WWOX: variants seen among roughly 807,000 people sequenced by gnomAD.
The protein encoded by WWOX is WW domain-containing oxidoreductase.
Under a neutral mutation model 46.2 loss-of-function variants are expected in WWOX, and 69 were observed. That is an observed-to-expected ratio of 1.49 (90% CI 1.23 to 1.82). The LOEUF is 1.82. WWOX is among the 40% of genes most tolerant of loss of function. The probability of loss-of-function intolerance (pLI) is 0.00; values close to 1 mark genes in which losing one functional copy is unlikely to be tolerated. For missense variants in WWOX, 919 were observed against 542.6 expected (o/e 1.69, Z -6.89); for synonymous variants, 359 against 202.6 (o/e 1.77, Z -6.56).
rs1393982616 is a variant in WWOX at position 79,072,827 on chromosome 16, T to G, written c.1057-138781T>G. Among the ~76,000 whole-genome samples, 4 of 152,194 alleles carry G rather than the reference T, an allele frequency of 2.6e-5. No homozygotes were observed. In the East Asian group the frequency reaches 7.7e-4, roughly 29 times the overall value. ...AATGCTTGGTCTTTGATTTCTTATT[T>G]TCAAATGCATGTCTTTAGAACCAGA... On this transcript the variant is annotated intron_variant, in intron 8 of 8. Coordinates refer to ENST00000566780, the MANE Select transcript of WWOX (RefSeq NM_016373.4).
At chr16:79,153,901 C>A (rs13332065) in intron 8 of WWOX, among the ~76,000 whole-genome samples, 3 of 152,006 alleles carry the variant, frequency 2.0e-5, no homozygotes, top group South Asian at 2.1e-4. Flanking sequence ...GGTTTGAAAG[C>A]GTTTTCCAGG....
chr16:78,264,602 GA>G (rs1387963316), intron 5 of WWOX: 2 of 152,344 alleles, frequency 1.3e-5, no homozygotes, highest in Non-Finnish European at 2.9e-5. Flanking sequence ...CAGCACTGCA[GA>G]GGGGTGATAA....
chr16:78,886,052 G>A (rs910584712), intron 8 of WWOX, among the ~76,000 whole-genome samples: 3 of 151,266 alleles, frequency 2.0e-5, no homozygotes, highest in African/African-American at 7.3e-5. Context: ...AGCATCCTGA[G>A]TAGCTGGGAT....
intron 1 of WWOX, among the ~76,000 whole-genome samples, chr16:78,102,170 C>T (rs1040418362): frequency 9.9e-5 from 15 of 152,116 alleles, no homozygotes; most frequent in African/African-American, 2.9e-4. Context: ...GCCTCCCTCC[C>T]GAAGCACTGG....
At chr16:78,895,189 A>G (rs1240928533) in intron 8 of WWOX, among the ~76,000 whole-genome samples, 1 of 152,204 alleles carries the variant, frequency 6.6e-6, no homozygotes, top group Admixed American at 6.5e-5. Flanking sequence ...CGGCTTTAAA[A>G]TCACTTTTAA....
chr16:78,279,344 G>A (rs1375394332), intron 5 of WWOX, among the ~76,000 whole-genome samples: 1 of 152,024 alleles, frequency 6.6e-6, no homozygotes, highest in African/African-American at 2.4e-5. Context: ...TATAAAATAT[G>A]AGTCTAATCA....
At chr16:78,748,872 G>C (rs979191627) in intron 8 of WWOX, among the ~76,000 whole-genome samples, 1 of 152,198 alleles carries the variant, frequency 6.6e-6, no homozygotes, top group Non-Finnish European at 1.5e-5. Flanking sequence ...ATCTTTGCAG[G>C]GGAGGTGAAT....
chr16:78,818,979 C>G lies in WWOX; in HGVS notation c.1056+386227C>G, dbSNP rs575788245. ...TGTTCCAGGGTAAGCCACTTAATCT[C>G]TCTAATCCTCATTGTGCTTAGCTCT... On this transcript the variant is annotated intron_variant, in intron 8 of 8. Coordinates refer to ENST00000566780, the MANE Select transcript of WWOX (RefSeq NM_016373.4). Among the ~76,000 whole-genome samples the G allele has an allele frequency of 1.3e-4, 20 of 152,298 alleles. No individual in the cohort carries two copies. The South Asian group carries it at 4.1e-3, about 32-fold the overall frequency.
intron 8 of WWOX, among the ~76,000 whole-genome samples, chr16:78,960,392 T>C (rs951394585): frequency 2.0e-5 from 3 of 152,216 alleles, no homozygotes; most frequent in Admixed American, 2.0e-4. Flanking sequence ...CTACCTGTCC[T>C]TCAGCCATCT....
At chr16:78,460,435 A>C (rs2083922690) in intron 8 of WWOX, among the ~76,000 whole-genome samples, 1 of 152,208 alleles carries the variant, frequency 6.6e-6, no homozygotes. Flanking sequence ...TTTTCAGTGT[A>C]ATAACCTGTC....
chr16:78,937,794 T>G (rs1020289550), intron 8 of WWOX, among the ~76,000 whole-genome samples: 8 of 151,628 alleles, frequency 5.3e-5, no homozygotes, highest in Admixed American at 2.6e-4. Context: ...CTGGCTAACT[T>G]TTGTTTCTTT....
chr16:78,814,419 A>G (rs964923398), intron 8 of WWOX, among the ~76,000 whole-genome samples: 1 of 152,132 alleles, frequency 6.6e-6, no homozygotes, highest in Non-Finnish European at 1.5e-5. Context: ...TGTAATCCTT[A>G]CATCCCCTAA....
intron 8 of WWOX, among the ~76,000 whole-genome samples, chr16:79,046,414 T>C (rs2048066423): frequency 6.6e-6 from 1 of 152,186 alleles, no homozygotes; most frequent in South Asian, 2.1e-4. Context: ...TATCACAGAC[T>C]GGATGGCCTT....
intron 8 of WWOX, among the ~76,000 whole-genome samples, chr16:78,833,816 C>G (rs2051898893): frequency 6.6e-6 from 1 of 152,262 alleles, no homozygotes; most frequent in Admixed American, 6.5e-5. Flanking sequence ...ACACAGCTCA[C>G]AAGCAAGTGC....
chr16:78,155,095 C>T (rs1176400236), intron 4 of WWOX, among the ~76,000 whole-genome samples: 1 of 152,104 alleles, frequency 6.6e-6, no homozygotes, highest in East Asian at 1.9e-4. Context: ...AGAAGCTACA[C>T]ATCTAGCTTT....
intron 8 of WWOX, among the ~76,000 whole-genome samples, chr16:79,128,751 G>C (rs942361559): frequency 2.0e-5 from 3 of 152,192 alleles, no homozygotes; most frequent in African/African-American, 7.2e-5. Flanking sequence ...TAAGCCAGTA[G>C]GATTCAATCT....
intron 8 of WWOX, among the ~76,000 whole-genome samples, chr16:79,199,465 C>G (rs947934448): frequency 2.0e-5 from 3 of 152,196 alleles, no homozygotes; most frequent in African/African-American, 4.8e-5. Context: ...ACACGAATCT[C>G]TTAGCAGGAG....
In WWOX at chr16:79,011,330, C is replaced by G. The variant is rs1179685659; in HGVS notation, c.1057-200278C>G. The stretch of plus-strand genomic sequence containing the variant: ...ATTACGTAGTATTATCTAATATGCC[C>G]TCTACATTCAAATTTTCATGTCTCC... On this transcript the variant is annotated intron_variant, in intron 8 of 8. Transcript: ENST00000566780. Among the ~76,000 whole-genome samples, 5 of 151,938 alleles carry G rather than the reference C, an allele frequency of 3.3e-5. No homozygotes were observed. In the East Asian group the frequency reaches 9.6e-4, roughly 29 times the overall value.
At chr16:78,132,303 G>C (rs1238156090) in intron 4 of WWOX, among the ~76,000 whole-genome samples, 3 of 152,030 alleles carry the variant, frequency 2.0e-5, no homozygotes, top group African/African-American at 7.2e-5. Context: ...TGGGATTACA[G>C]GCGTGAGCCA....
Sources: gnomAD v4.1 joint callset for allele counts (sites outside exome capture counted in the v4.1 genomes callset) on GRCh38, gnomAD v4.1.1 for gene constraint, MANE v1.5 for transcripts, NCBI Gene and HGNC (gene_info 2026-07-23, HGNC 2026-07-21) for gene names.